EPB41: variants seen among roughly 807,000 people sequenced by gnomAD.
The protein encoded by EPB41 is erythrocyte membrane protein band 4.1.
Under a neutral mutation model 108.0 loss-of-function variants are expected in EPB41, and 65 were observed. The ratio of observed to expected loss-of-function variants is 0.60; its 90% CI spans 0.49 to 0.74. The LOEUF (loss-of-function observed/expected upper bound fraction) is 0.74, where lower values mean the gene tolerates loss of function less well. EPB41 is among the 30% of genes least tolerant of loss of function. The pLI is 0.00. For synonymous variants in EPB41, 336 were observed against 358.9 expected, an observed-to-expected ratio of 0.94 and a Z score of 0.72; for missense variants, 875 against 1,037.0, an observed-to-expected ratio of 0.84 and a Z score of 2.15.
intron 1 of EPB41, among the ~76,000 whole-genome samples, chr1:28,971,190 T>TCTTTCTTTC: frequency 7.5e-6 from 1 of 133,386 alleles, no homozygotes; most frequent in African/African-American, 3.0e-5. Flanking sequence ...CTTTTTTTTT[T>TCTTTCTTTC]TTTTTTTTTT....
At position 29,018,253 on chromosome 1, in the gene EPB41, A is replaced by G. The variant is rs750784399; in HGVS notation, c.935A>G (p.Asp312Gly). 1.2e-6 allele frequency: 2 copies of G among 1,614,064 alleles called. No homozygotes were observed. Among genetic ancestry groups the G allele is most frequent in the East Asian group, 2.2e-5 (1 of 44,884 alleles). The stretch of plus-strand genomic sequence containing the variant: ...TATTTATGTCTTCAGCTTCGGCAGG[A>G]CATAGTTGCAGGACGTCTGCCCTGT... ...RYYLCLQLRQDIVAGRLPCSF... is the reference protein window; with the variant it reads ...RYYLCLQLRQGIVAGRLPCSF... Residue 312 changes from aspartate to glycine, a missense_variant, in exon 7 of 21, where the codon GAC (aspartate) becomes GGC (glycine). Coordinates refer to ENST00000343067, the MANE Select transcript of EPB41 (RefSeq NM_001376013.1). This position sits in a 1 kb window ranked among gnomAD's most constrained non-coding sequence, Gnocchi z 4.4.
rs1195081414 is a variant in EPB41, at chr1:28,937,498, G to A, written c.-8+22730G>A. ...CAACCTCTGCCTCACAGGCTCAAGTGATTCTCCTGCCTCATCCTCCCAAGT... is the reference window on the plus strand; with the variant it reads ...CAACCTCTGCCTCACAGGCTCAAGTAATTCTCCTGCCTCATCCTCCCAAGT... On this transcript the variant is annotated intron_variant, in intron 1 of 20. Coordinates refer to ENST00000343067, the MANE Select transcript of EPB41 (RefSeq NM_001376013.1). Among the ~76,000 whole-genome samples the A allele has an allele frequency of 4.6e-5, 7 of 152,270 alleles. No homozygotes were observed. The East Asian group carries it at 5.8e-4, about 13-fold the overall frequency.
intron 1 of EPB41, among the ~76,000 whole-genome samples, chr1:28,947,948 G>A (rs988615654): frequency 6.6e-6 from 1 of 151,754 alleles, no homozygotes; most frequent in Non-Finnish European, 1.5e-5. Context: ...TGACTAGAAT[G>A]CATTTTGGTT....
intron 12 of EPB41, 71 bp downstream of exon 12, chr1:29,053,383 C>A: frequency 6.5e-7 from 1 of 1,547,694 alleles, no homozygotes; most frequent in Non-Finnish European, 8.9e-7. Context: ...TGACCAGGAA[C>A]GTTTTCAAAG....
intron 1 of EPB41, among the ~76,000 whole-genome samples, chr1:28,896,727 G>A (rs941044788): frequency 2.0e-5 from 3 of 152,228 alleles, no homozygotes; most frequent in South Asian, 2.1e-4. Context: ...AGAGTCACTG[G>A]ATAGTAAGCA....
At chr1:29,065,383 A>G in intron 16 of EPB41, 2 of 605,260 alleles carry the variant, frequency 3.3e-6, no homozygotes, top group Non-Finnish European at 2.5e-6. Flanking sequence ...CCAGTAGATG[A>G]TTAGCCTCTG....
intron 16 of EPB41, among the ~76,000 whole-genome samples, chr1:29,068,181 G>T (rs1157922923): frequency 1.3e-5 from 2 of 152,194 alleles, no homozygotes; most frequent in Non-Finnish European, 2.9e-5. Context: ...CTGTAAGTCT[G>T]TGACTCCATA....
At chr1:29,081,573 C>A (rs1015070175) in intron 16 of EPB41, among the ~76,000 whole-genome samples, 3 of 152,156 alleles carry the variant, frequency 2.0e-5, no homozygotes, top group Non-Finnish European at 2.9e-5. Flanking sequence ...CTGTGGCTCA[C>A]GCCTGTAATC....
At chr1:29,030,080 TGAAGA>T (rs1322065995) in intron 7 of EPB41, among the ~76,000 whole-genome samples, 1 of 151,926 alleles carries the variant, frequency 6.6e-6, no homozygotes, top group Non-Finnish European at 1.5e-5. Context: ...AGAAAAAGAG[TGAAGA>T]GAAGGGGGCA....
chr1:29,058,914 C>A, intron 14 of EPB41, 62 bp downstream of exon 14: 3 of 1,339,196 alleles, frequency 2.2e-6, no homozygotes, highest in South Asian at 1.3e-5. Context: ...ACTTACAGTG[C>A]ATTAAAAAGA....
At chr1:29,030,280 A>C (rs1473261770) in intron 7 of EPB41, 120 bp from the exon 8 acceptor site, 1 of 756,602 alleles carries the variant, frequency 1.3e-6, no homozygotes, top group African/African-American at 1.8e-5. Context: ...ACTAGGAAAT[A>C]TATCTTAATA....
Position 29,035,936 on chromosome 1 carries a change from CT to C in EPB41, c.1463+15del. 1.9e-6 allele frequency: 3 copies of C among 1,569,524 alleles called. No homozygotes were observed. Among genetic ancestry groups the C allele is most frequent in the Non-Finnish European group, 1.8e-6 (2 of 1,139,546 alleles). The stretch of plus-strand genomic sequence containing the variant: ...ACACGTTTTTCAGGTATTATTCTCA[CT>C]TAAGTATTTTTCAAGGATAAATTAT... On this transcript the variant is annotated intron_variant, in intron 10 of 20. Transcript: ENST00000343067.
At chr1:28,982,366 G>T in intron 1 of EPB41, 1 of 704,476 alleles carries the variant, frequency 1.4e-6, no homozygotes. Context: ...TCGGGCTTTG[G>T]GCATTAGGTG....
chr1:28,904,906 C>CT (rs2091651244), intron 1 of EPB41, among the ~76,000 whole-genome samples: 1 of 151,902 alleles, frequency 6.6e-6, no homozygotes. Flanking sequence ...TGGGGGGCGC[C>CT]TGTAGTCCCA....
At chr1:28,962,655 G>T (rs190616938) in intron 1 of EPB41, among the ~76,000 whole-genome samples, 89 of 151,784 alleles carry the variant, frequency 5.9e-4, no homozygotes, top group Non-Finnish European at 1.0e-3. Flanking sequence ...TCTGTCTCTG[G>T]ATTTGACTAG....
intron 1 of EPB41, chr1:28,982,482 C>T (rs971526528): frequency 6.1e-6 from 5 of 818,392 alleles, no homozygotes; most frequent in Non-Finnish European, 1.1e-5. Context: ...CAATTCCAGA[C>T]ACCAGAGCAT....
At chr1:28,970,398 T>C (rs1028887821) in intron 1 of EPB41, among the ~76,000 whole-genome samples, 1 of 152,208 alleles carries the variant, frequency 6.6e-6, no homozygotes, top group Non-Finnish European at 1.5e-5. Flanking sequence ...TATTGTTAGA[T>C]TGAGTTGGCT....
intron 1 of EPB41, among the ~76,000 whole-genome samples, chr1:28,896,501 TC>T (rs2090676525): frequency 6.6e-6 from 1 of 152,070 alleles, no homozygotes; most frequent in African/African-American, 2.4e-5. Context: ...TTCCCCACCT[TC>T]CCCACCGGGA....
intron 1 of EPB41, among the ~76,000 whole-genome samples, chr1:28,895,396 C>T (rs1386128359): frequency 6.6e-6 from 1 of 152,178 alleles, no homozygotes; most frequent in Non-Finnish European, 1.5e-5. Context: ...CTTCATGGCA[C>T]TGGGTAAGTC....
Sources: gnomAD v4.1 joint callset for allele counts (sites outside exome capture counted in the v4.1 genomes callset) on GRCh38, gnomAD v4.1.1 for gene constraint, Gnocchi (gnomAD v3.1) non-coding constraint, MANE v1.5 for transcripts, NCBI Gene and HGNC (gene_info 2026-07-23, HGNC 2026-07-21) for gene names.